KYAT1: variants seen among roughly 807,000 people sequenced by gnomAD.
KYAT1 encodes the protein kynurenine--oxoglutarate transaminase 1.
Under a neutral mutation model 52.4 loss-of-function variants are expected in KYAT1, and 47 were observed. The ratio of observed to expected loss-of-function variants is 0.90; its 90% confidence interval spans 0.71 to 1.14. The LOEUF (loss-of-function observed/expected upper bound fraction) is 1.14. Ranked by LOEUF, KYAT1 falls within the 50% of genes most tolerant of loss-of-function variation. KYAT1 has a pLI of 0.00. For missense variants in KYAT1, 480 were observed against 557.9 expected (o/e 0.86, Z 1.41); for synonymous variants, 212 against 209.6 (o/e 1.01, Z -0.10).
chr9:128,852,012 T>C (rs1834017129), intron 1 of KYAT1, among the ~76,000 whole-genome samples: 1 of 152,130 alleles, frequency 6.6e-6, no homozygotes, highest in South Asian at 2.1e-4. Flanking sequence ...TACAGTTCAC[T>C]ACAGTGAAGG....
intron 1 of KYAT1, among the ~76,000 whole-genome samples, chr9:128,852,892 T>C (rs753882414): frequency 6.6e-6 from 1 of 152,166 alleles, no homozygotes; most frequent in Non-Finnish European, 1.5e-5. Context: ...ATTGAATTAG[T>C]TGAAGAAAAA....
chr9:128,845,763 G>T (rs1832991205), intron 1 of KYAT1, among the ~76,000 whole-genome samples: 2 of 152,248 alleles, frequency 1.3e-5, no homozygotes, highest in Non-Finnish European at 2.9e-5. Context: ...GAGGGTTAAA[G>T]AAGAGGAGCA....
In KYAT1 at chr9:128,845,376, T is replaced by C; in HGVS notation, c.30A>G (p.Leu10=). The C allele has an allele frequency of 1.2e-6, 2 of 1,613,980 alleles. No individual in the cohort carries two copies. Among genetic ancestry groups the C allele is most frequent in the South Asian group, 1.1e-5 (1 of 91,072 alleles). The change falls in exon 2 of 13, where the codon CTA becomes CTG. Residue 10 remains leucine, a synonymous_variant. Transcript: ENST00000302586. MAKQLQARR[L]DGIDYNPWVE... ...ACCAGGGGTTGTAGTCGATCCCGTCTAGCCTTCGGGCCTGCAGCTGTTTGG... is the reference window on the plus strand; with the variant it reads ...ACCAGGGGTTGTAGTCGATCCCGTCCAGCCTTCGGGCCTGCAGCTGTTTGG...
At chr9:128,881,624 C>T (rs1564512472) in intron 1 of KYAT1, among the ~76,000 whole-genome samples, 1 of 152,062 alleles carries the variant, frequency 6.6e-6, no homozygotes. Flanking sequence ...GTCCAGAATT[C>T]TGTTGTCTCG....
At position 128,835,761 on chromosome 9, in the gene KYAT1, C is replaced by T. The variant is rs774696475; in HGVS notation, c.855+18G>A. ...TTGTTGTCCCCCCACTCCCCCGTGA[C>T]GTCCTGCCCCTCTTCACCTGGCTCT... is the stretch of plus-strand genomic sequence containing the variant. On this transcript the variant is annotated intron_variant, in intron 9 of 12. Transcript: ENST00000302586. The T allele has an allele frequency of 1.6e-5, 25 of 1,609,112 alleles. No homozygotes were observed. Among genetic ancestry groups the T allele is most frequent in the African/African-American group, 2.7e-5 (2 of 74,828 alleles).
chr9:128,838,261 G>A lies in KYAT1; in HGVS notation c.308C>T (p.Ala103Val), dbSNP rs2119003501. 1 of 1,614,178 alleles carries A rather than the reference G, an allele frequency of 6.2e-7. No homozygotes were observed. Among genetic ancestry groups the A allele is most frequent in the East Asian group, 2.2e-5 (1 of 44,880 alleles). ...NVLVTVGGYG[A>V]LFTAFQALVD... is the part of the protein sequence containing the mutation. Reference sequence around the variant, plus strand: ...CAGGGCCTGGAAGGCTGTGAACAGGGCCCCATAGCCACCAACAGTCACCAG... The same window carrying A: ...CAGGGCCTGGAAGGCTGTGAACAGGACCCCATAGCCACCAACAGTCACCAG... The change falls in exon 4 of 13, where the codon GCC becomes GTC. Residue 103 changes from alanine (A) to valine (V), a missense_variant. By Grantham distance (64) the Ala-to-Val change is moderately conservative. Transcript: ENST00000302586.
chr9:128,844,524 C>CAA (rs879595477), intron 2 of KYAT1, among the ~76,000 whole-genome samples: 7 of 118,582 alleles, frequency 5.9e-5, no homozygotes, highest in South Asian at 2.6e-4. Flanking sequence ...ACTAAAAATA[C>CAA]AAAAAAAAAA....
intron 1 of KYAT1, among the ~76,000 whole-genome samples, chr9:128,866,615 A>G (rs1836415596): frequency 6.7e-6 from 1 of 149,136 alleles, no homozygotes; most frequent in Non-Finnish European, 1.5e-5. Context: ...AAAAGAAAAG[A>G]AAAGAAAATA....
Position 128,851,800 on chromosome 9 carries a change from C to G in KYAT1, c.-6-6389G>C, listed in dbSNP as rs201458879. On this transcript the variant is annotated intron_variant, in intron 1 of 12. Coordinates refer to ENST00000302586, the MANE Select transcript of KYAT1 (RefSeq NM_004059.5). ...GCAGAGCCGGTAATGGCTCAGTCAA[C>G]GCAAAGTGTTGACTACAATCAATTA... is the stretch of plus-strand genomic sequence containing the variant. 3.9e-5 allele frequency among the ~76,000 whole-genome samples: 6 copies of G among 152,272 alleles called. No homozygotes were observed. In the East Asian group the frequency reaches 9.6e-4, roughly 24 times the overall value.
chr9:128,870,380 G>A (rs1023092623), intron 1 of KYAT1, among the ~76,000 whole-genome samples: 2 of 152,198 alleles, frequency 1.3e-5, no homozygotes, highest in Non-Finnish European at 1.5e-5. Context: ...GGGCGACATG[G>A]CTGATGACTA....
chr9:128,836,735 C>T, intron 7 of KYAT1, 67 bp downstream of exon 7: 1 of 1,573,224 alleles, frequency 6.4e-7, no homozygotes, highest in East Asian at 2.2e-5. Context: ...CCTGCGCTGA[C>T]TCTCAGGTGG....
intron 1 of KYAT1, among the ~76,000 whole-genome samples, chr9:128,869,556 C>T (rs958395264): frequency 1.3e-5 from 2 of 152,178 alleles, no homozygotes; most frequent in Admixed American, 6.5e-5. Context: ...AGGAGTTTCA[C>T]CTCGTTCCAT....
chr9:128,867,063 A>C (rs1193376720), intron 1 of KYAT1, among the ~76,000 whole-genome samples: 2 of 152,186 alleles, frequency 1.3e-5, no homozygotes, highest in African/African-American at 4.8e-5. Context: ...AAAAGGTGAG[A>C]ATTTGTGATT....
At chr9:128,860,329 C>T (rs1021655859) in intron 1 of KYAT1, 3 of 152,288 alleles carry the variant, frequency 2.0e-5, no homozygotes, top group Non-Finnish European at 4.4e-5. Context: ...ATTCCTTACT[C>T]CAGTCCAGCT....
At chr9:128,846,977 G>GCCTCTTCAA in intron 1 of KYAT1, 1 of 911,392 alleles carries the variant, frequency 1.1e-6, no homozygotes, top group Non-Finnish European at 1.6e-6. Context: ...AGGACACTGA[G>GCCTCTTCAA]GCTTGAAGAG....
chr9:128,835,615 C>T lies in KYAT1; in HGVS notation c.908G>A (p.Ser303Asn), dbSNP rs557793663. The change falls in exon 10 of 13, where the codon AGC (serine) becomes AAC (asparagine). Residue 303 changes from serine to asparagine, a missense_variant. Coordinates refer to ENST00000302586, the MANE Select transcript of KYAT1 (RefSeq NM_004059.5). The stretch of plus-strand genomic sequence containing the variant: ...CTGCGGGAACTGCACAAAGTAGCTG[C>T]TGGGTTGGCGGAAGAGCAGCTGCTC... ...EREQLLFRQP[S>N]SYFVQFPQAM... is the part of the protein sequence containing the mutation. 2 of 1,612,458 alleles carry T rather than the reference C, an allele frequency of 1.2e-6. No homozygotes were observed. The highest frequency in any genetic ancestry group is 2.2e-5 in the South Asian group (2 of 91,080).
At chr9:128,857,500 G>A (rs1834823372) in intron 1 of KYAT1, among the ~76,000 whole-genome samples, 3 of 152,146 alleles carry the variant, frequency 2.0e-5, no homozygotes, top group Admixed American at 1.3e-4. Flanking sequence ...TGAGCCATGT[G>A]CCCTGCCCCA....
intron 1 of KYAT1, among the ~76,000 whole-genome samples, chr9:128,846,086 T>A (rs1352066014): frequency 2.0e-5 from 3 of 152,100 alleles, no homozygotes; most frequent in African/African-American, 7.2e-5. Flanking sequence ...GCCCCTCCCC[T>A]CCCGGTGTTC....
chr9:128,862,568 C>CCTTCT (rs1369297621), intron 1 of KYAT1, among the ~76,000 whole-genome samples: 1 of 152,262 alleles, frequency 6.6e-6, no homozygotes, highest in East Asian at 1.9e-4. Context: ...CTGCCCTGCC[C>CCTTCT]CAGCCTTGGC....
Sources: gnomAD v4.1 joint callset for allele counts (sites outside exome capture counted in the v4.1 genomes callset) on GRCh38, gnomAD v4.1.1 for gene constraint, MANE v1.5 for transcripts, NCBI Gene and HGNC (gene_info 2026-07-23, HGNC 2026-07-21) for gene names.